Variants in UHRF2 observed in about 807,000 individuals in gnomAD.
UHRF2 encodes the protein E3 ubiquitin-protein ligase UHRF2.
UHRF2 carries 23 observed loss-of-function variants against 96.8 expected under a neutral mutation model. That is an observed-to-expected ratio of 0.24 (90% confidence interval 0.17 to 0.34). The LOEUF (loss-of-function observed/expected upper bound fraction) is 0.34. Ranked by LOEUF, UHRF2 falls within the 10% of genes least tolerant of loss-of-function variation. The pLI is 1.00. For synonymous variants in UHRF2, 385 were observed against 332.6 expected, an observed-to-expected ratio of 1.16 and a Z score of -1.72; for missense variants, 685 against 981.5, an observed-to-expected ratio of 0.70 and a Z score of 4.04.
intron 9 of UHRF2, among the ~76,000 whole-genome samples, chr9:6,492,088 A>G (rs1563803729): frequency 6.6e-6 from 1 of 152,138 alleles, no homozygotes; most frequent in Admixed American, 6.5e-5. Flanking sequence ...CAGTCTTGAC[A>G]GTTTTTTCCC....
chr9:6,427,267 C>G (rs1185176164), intron 2 of UHRF2, among the ~76,000 whole-genome samples: 1 of 152,032 alleles, frequency 6.6e-6, no homozygotes, highest in African/African-American at 2.4e-5. Flanking sequence ...GATGAGCAAA[C>G]ATTTTTGGAC....
At chr9:6,477,473 C>G in intron 5 of UHRF2, 149 bp from the exon 6 acceptor site, 1 of 632,234 alleles carries the variant, frequency 1.6e-6, no homozygotes, top group Non-Finnish European at 2.5e-6. Flanking sequence ...CTGCAGTGAG[C>G]CAAGATCACG....
At chr9:6,460,069 C>T (rs1007267368) in intron 3 of UHRF2, among the ~76,000 whole-genome samples, 5 of 152,182 alleles carry the variant, frequency 3.3e-5, no homozygotes, top group South Asian at 2.1e-4. Flanking sequence ...TAGCAATGAA[C>T]GTCTTAATAA....
intron 3 of UHRF2, among the ~76,000 whole-genome samples, chr9:6,445,891 C>A (rs538186690): frequency 6.6e-6 from 1 of 151,308 alleles, no homozygotes; most frequent in South Asian, 2.1e-4. Context: ...TGAAAATAAC[C>A]TGGTGATAAT....
chr9:6,459,078 G>C (rs1563772986), intron 3 of UHRF2, among the ~76,000 whole-genome samples: 1 of 152,168 alleles, frequency 6.6e-6, no homozygotes, highest in Non-Finnish European at 1.5e-5. Context: ...AGGGTAGGGG[G>C]CTAGGGGAAG....
chr9:6,480,757 T>C (rs1411073758), intron 6 of UHRF2, among the ~76,000 whole-genome samples: 2 of 152,214 alleles, frequency 1.3e-5, no homozygotes, highest in African/African-American at 4.8e-5. Flanking sequence ...GAAAGGACTT[T>C]ACTTCATAGT....
chr9:6,467,595 G>GTTTT lies in UHRF2; in HGVS notation c.863+6823_863+6826dup, dbSNP rs34366483. ...GTATTTCATAGATTCCGAGAGAATA[G>GTTTT]TTTTTTTTTTTTTTTTTTTTTTGGT... On this transcript the variant is annotated intron_variant, in intron 4 of 15. Coordinates refer to ENST00000276893, the MANE Select transcript of UHRF2 (RefSeq NM_152896.3). Among the ~76,000 whole-genome samples, 229 of 99,126 alleles carry GTTTT rather than the reference G, an allele frequency of 2.3e-3. 4 individuals carry two copies. Among genetic ancestry groups the GTTTT allele is most frequent in the African/African-American group, 8.1e-3 (195 of 24,084 alleles). 65.0% of individuals were successfully genotyped at this position (99,126 alleles called of 152,430 possible).
intron 2 of UHRF2, among the ~76,000 whole-genome samples, chr9:6,425,235 C>T (rs186375334): frequency 1.3e-3 from 200 of 152,312 alleles, no homozygotes; most frequent in African/African-American, 4.4e-3. Flanking sequence ...CAGACATTTA[C>T]ATCAGTATGA....
At chr9:6,472,886 A>T (rs1587844449) in intron 4 of UHRF2, among the ~76,000 whole-genome samples, 1 of 152,202 alleles carries the variant, frequency 6.6e-6, no homozygotes. Context: ...AAGACACATA[A>T]TTTTTTTAAA....
chr9:6,416,362 C>A (rs937989704), intron 1 of UHRF2, among the ~76,000 whole-genome samples: 9 of 151,952 alleles, frequency 5.9e-5, no homozygotes, highest in African/African-American at 2.2e-4. Flanking sequence ...GCTACCGTGC[C>A]CAGCCTTGAC....
intron 3 of UHRF2, among the ~76,000 whole-genome samples, chr9:6,435,711 A>G (rs1362876202): frequency 1.3e-5 from 2 of 152,114 alleles, no homozygotes; most frequent in South Asian, 2.1e-4. Flanking sequence ...GGTTGAAGCG[A>G]TTCTGCTACC....
chr9:6,491,468 A>G (rs926245166), intron 9 of UHRF2, among the ~76,000 whole-genome samples: 2 of 152,212 alleles, frequency 1.3e-5, no homozygotes, highest in African/African-American at 4.8e-5. Context: ...GGGTGTTATG[A>G]GAGAAGTTGG....
chr9:6,462,255 C>G (rs897909028), intron 4 of UHRF2, among the ~76,000 whole-genome samples: 2 of 151,260 alleles, frequency 1.3e-5, no homozygotes, highest in African/African-American at 2.4e-5. Flanking sequence ...CTGAGACCAT[C>G]TAGCCTGCAA....
chr9:6,424,325 G>C (rs1483330090), intron 2 of UHRF2, among the ~76,000 whole-genome samples: 1 of 152,178 alleles, frequency 6.6e-6, no homozygotes, highest in Non-Finnish European at 1.5e-5. Flanking sequence ...GGTAGAATCT[G>C]GGAATAAGTT....
rs2130768488 is a variant in UHRF2, at chr9:6,434,074, C to G, written c.545C>G (p.Ser182Cys). 6.2e-7 allele frequency: 1 copy of G among 1,614,078 alleles called. No individual in the cohort carries two copies. The highest frequency in any genetic ancestry group is 8.5e-7 in the Non-Finnish European group (1 of 1,180,004). ...KRTNGNIKHK[S>C]KENTNKLDSV... The stretch of plus-strand genomic sequence containing the variant: ...ACTAATGGAAATATAAAGCATAAAT[C>G]CAAAGAGAACACAAATAAATTGGAC... The change falls in exon 3 of 16, where the codon TCC becomes TGC. Residue 182 changes from serine (S) to cysteine (C), a missense_variant. Coordinates refer to ENST00000276893, the MANE Select transcript of UHRF2 (RefSeq NM_152896.3).
intron 9 of UHRF2, among the ~76,000 whole-genome samples, chr9:6,490,780 T>G (rs1824611868): frequency 6.6e-6 from 1 of 152,214 alleles, no homozygotes; most frequent in East Asian, 1.9e-4. Context: ...TTACATAATG[T>G]GAAGAAAAAT....
chr9:6,420,247 G>A (rs188653422), intron 1 of UHRF2, among the ~76,000 whole-genome samples: 1 of 151,820 alleles, frequency 6.6e-6, no homozygotes, highest in Admixed American at 6.6e-5. Context: ...AGTAGAGACG[G>A]GGTTTCACCA....
At chr9:6,484,568 G>C (rs1275559472) in intron 8 of UHRF2, 11 of 148,408 alleles carry the variant, frequency 7.4e-5, no homozygotes, top group Admixed American at 7.4e-4. Flanking sequence ...ACACCCAGCT[G>C]ATTTTTGTGT....
chr9:6,415,978 G>A (rs953327425), intron 1 of UHRF2, among the ~76,000 whole-genome samples: 4 of 152,228 alleles, frequency 2.6e-5, no homozygotes, highest in African/African-American at 4.8e-5. Flanking sequence ...ACCTACTGAA[G>A]CAGAATCTGT....
Sources: gnomAD v4.1 joint callset for allele counts (sites outside exome capture counted in the v4.1 genomes callset) on GRCh38, gnomAD v4.1.1 for gene constraint, MANE v1.5 for transcripts, NCBI Gene and HGNC (gene_info 2026-07-23, HGNC 2026-07-21) for gene names.